The following DMD variants were observed in gnomAD, a reference collection of about 807,000 sequenced individuals.
DMD encodes the protein dystrophin, also known as mutant dystrophin.
Under a neutral mutation model 330.1 loss-of-function variants are expected in DMD, and 63 were observed. The observed-to-expected ratio is 0.19, with a 90% CI of 0.16 to 0.24. The LOEUF (loss-of-function observed/expected upper bound fraction) is 0.24, where lower values mean the gene tolerates loss of function less well. Ranked by LOEUF, DMD falls within the 10% of genes least tolerant of loss-of-function variation. DMD has a pLI of 1.00. For synonymous variants in DMD, 1,223 were observed against 959.8 expected (o/e 1.27, Z -5.07); for missense variants, 3,344 against 2,684.1 (o/e 1.25, Z -5.43).
At chrX:32,125,478 T>C (rs1173214229) in intron 44 of DMD, among the ~76,000 whole-genome samples, 1 of 111,720 alleles carries the variant, frequency 9.0e-6, no homozygotes, top group Non-Finnish European at 1.9e-5. Flanking sequence ...GAGTCTGAGT[T>C]GCCTCTGATA....
intron 67 of DMD, among the ~76,000 whole-genome samples, chrX:31,196,920 T>C (rs1430362033): frequency 3.8e-5 from 4 of 106,553 alleles, no homozygotes; most frequent in Non-Finnish European, 5.8e-5. Flanking sequence ...TCTCCTGATA[T>C]GGCATTTTAA....
intron 19 of DMD, among the ~76,000 whole-genome samples, chrX:32,495,637 C>G (rs1294285024): frequency 9.0e-6 from 1 of 111,615 alleles, no homozygotes; most frequent in Non-Finnish European, 1.9e-5. Context: ...TAAGAAAGTC[C>G]ATTAAAACCT....
chrX:33,178,305 A>T (rs1301790148), intron 1 of DMD, among the ~76,000 whole-genome samples: 1 of 112,032 alleles, frequency 8.9e-6, no homozygotes, highest in African/African-American at 3.2e-5. Context: ...TTAGACAATG[A>T]TGTTACATCG....
At chrX:31,385,472 T>G (rs1014988810) in intron 60 of DMD, among the ~76,000 whole-genome samples, 27 of 112,025 alleles carry the variant, frequency 2.4e-4, no homozygotes, top group African/African-American at 8.8e-4. Context: ...CATGGATATA[T>G]TAATAGATTT....
At chrX:32,593,150 G>A (rs1304830659) in intron 13 of DMD, among the ~76,000 whole-genome samples, 1 of 112,848 alleles carries the variant, frequency 8.9e-6, no homozygotes, top group Admixed American at 9.3e-5. Context: ...GCAAAACCCA[G>A]ACAGAGGTGC....
At chrX:32,525,240 A>T (rs980348504) in intron 17 of DMD, among the ~76,000 whole-genome samples, 1 of 111,794 alleles carries the variant, frequency 8.9e-6, no homozygotes, top group African/African-American at 3.3e-5. Flanking sequence ...TTTTGTCCAC[A>T]CATAATGTGC....
chrX:32,590,972 T>C (rs2054842827), intron 13 of DMD, among the ~76,000 whole-genome samples: 1 of 111,871 alleles, frequency 8.9e-6, no homozygotes, highest in Admixed American at 9.5e-5. Flanking sequence ...TCTGTCCTTC[T>C]AGAGAACCTT....
chrX:32,145,600 C>A (rs2096774644), intron 44 of DMD, among the ~76,000 whole-genome samples: 1 of 111,998 alleles, frequency 8.9e-6, no homozygotes, highest in Non-Finnish European at 1.9e-5. Context: ...ATTTTTGAGA[C>A]AACAGTGATT....
chrX:32,095,283 G>T (rs1274279470), intron 44 of DMD, among the ~76,000 whole-genome samples: 2 of 112,010 alleles, frequency 1.8e-5, no homozygotes, highest in East Asian at 5.6e-4. Context: ...TGACGTGAGT[G>T]AGAGTAATAG....
At chrX:32,102,632 A>T (rs1023193744) in intron 44 of DMD, among the ~76,000 whole-genome samples, 12 of 111,266 alleles carry the variant, frequency 1.1e-4, no homozygotes, top group African/African-American at 3.9e-4. Context: ...ACAAATCTAT[A>T]TTTATTTAAA....
intron 77 of DMD, among the ~76,000 whole-genome samples, chrX:31,129,299 GTTATT>G (rs1442012965): frequency 1.8e-5 from 2 of 111,814 alleles, no homozygotes; most frequent in East Asian, 5.6e-4. Context: ...TAGGATTTCT[GTTATT>G]TTATAAGTCA....
intron 44 of DMD, among the ~76,000 whole-genome samples, chrX:32,148,002 C>G (rs1429048708): frequency 2.8e-5 from 3 of 107,933 alleles, no homozygotes; most frequent in Non-Finnish European, 5.7e-5. Context: ...CTCAGCCTCC[C>G]GAGTAGCTGG....
intron 7 of DMD, among the ~76,000 whole-genome samples, chrX:32,748,063 C>T (rs2148252936): frequency 9.0e-6 from 1 of 110,787 alleles, no homozygotes; most frequent in African/African-American, 3.3e-5. Context: ...AAAGTGTAGG[C>T]CAGGTGTGGT....
chrX:32,764,680 T>G (rs1410628582), intron 7 of DMD, among the ~76,000 whole-genome samples: 1 of 112,213 alleles, frequency 8.9e-6, no homozygotes, highest in South Asian at 3.6e-4. Context: ...TGTTTATCCA[T>G]TCATCTTCAG....
chrX:31,803,686 CTCT>C (rs1319540041), intron 50 of DMD, among the ~76,000 whole-genome samples: 4 of 88,842 alleles, frequency 4.5e-5, no homozygotes, highest in African/African-American at 1.6e-4. Flanking sequence ...TTCTCTCTCT[CTCT>C]CTCTCTCTCT....
At chrX:32,695,144 T>C (rs1362910863) in intron 9 of DMD, among the ~76,000 whole-genome samples, 1 of 112,441 alleles carries the variant, frequency 8.9e-6, no homozygotes, top group Non-Finnish European at 1.9e-5. Flanking sequence ...AATACTGCTC[T>C]ATGTGTGCGT....
intron 49 of DMD, among the ~76,000 whole-genome samples, chrX:31,823,107 G>A (rs2092810889): frequency 2.7e-5 from 3 of 112,797 alleles, no homozygotes; most frequent in Admixed American, 9.3e-5. Flanking sequence ...CAGGACTTGC[G>A]TCAGGAATAA....
intron 61 of DMD, among the ~76,000 whole-genome samples, chrX:31,337,098 T>C (rs1216069610): frequency 9.1e-6 from 1 of 109,552 alleles, no homozygotes; most frequent in African/African-American, 3.3e-5. Flanking sequence ...TAATTTTTTG[T>C]GTCTTTAGTA....
chrX:33,004,220 G>A (rs2093348232), intron 2 of DMD, among the ~76,000 whole-genome samples: 1 of 112,090 alleles, frequency 8.9e-6, no homozygotes, highest in South Asian at 3.6e-4. Flanking sequence ...AACTCTACAA[G>A]CATAAAGAAA....
Sources: gnomAD v4.1 joint callset for allele counts (sites outside exome capture counted in the v4.1 genomes callset) on GRCh38, gnomAD v4.1.1 for gene constraint, MANE v1.5 for transcripts, NCBI Gene and HGNC (gene_info 2026-07-23, HGNC 2026-07-21) for gene names.